CNBD1: variants seen among roughly 807,000 people sequenced by gnomAD.
The protein encoded by CNBD1 is cyclic nucleotide binding domain containing 1, also known as cyclic nucleotide-binding domain-containing protein 1.
A neutral mutation model predicts 54.4 loss-of-function variants in CNBD1; 71 were observed. The ratio of observed to expected loss-of-function variants is 1.30; its 90% CI spans 1.08 to 1.59. CNBD1 has a LOEUF of 1.59. CNBD1 is among the 40% of genes most tolerant of loss of function. The pLI is 0.00. For missense variants in CNBD1, 659 were observed against 518.0 expected (o/e 1.27, Z -2.64); for synonymous variants, 182 against 170.7 (o/e 1.07, Z -0.51).
chr8:87,087,463 C>CTTT (rs758497467), intron 4 of CNBD1, among the ~76,000 whole-genome samples: 1,610 of 127,858 alleles, frequency 0.013, 52 homozygotes, highest in African/African-American at 0.045. Flanking sequence ...GAAGTACATT[C>CTTT]TTTTTTTTTT....
intron 2 of CNBD1, among the ~76,000 whole-genome samples, chr8:86,898,429 A>G (rs142573599): frequency 7.8e-4 from 119 of 152,280 alleles, no homozygotes; most frequent in African/African-American, 2.8e-3. Context: ...AAGACTTACT[A>G]TAAAGCTACA....
At chr8:86,989,693 C>T (rs903757013) in intron 4 of CNBD1, among the ~76,000 whole-genome samples, 2 of 152,138 alleles carry the variant, frequency 1.3e-5, no homozygotes, top group African/African-American at 2.4e-5. Flanking sequence ...TCAGGCAATC[C>T]ACCCACCTCG....
chr8:87,186,767 T>C (rs890801045), intron 4 of CNBD1, among the ~76,000 whole-genome samples: 1 of 152,058 alleles, frequency 6.6e-6, no homozygotes, highest in African/African-American at 2.4e-5. Context: ...ATAGTGTAAG[T>C]AATTTTTTAA....
intron 4 of CNBD1, among the ~76,000 whole-genome samples, chr8:87,025,790 T>A (rs977087429): frequency 1.3e-5 from 2 of 152,108 alleles, no homozygotes; most frequent in Non-Finnish European, 2.9e-5. Flanking sequence ...AGGAAGAAAC[T>A]CCGGACACAC....
chr8:87,352,255 C>T lies in CNBD1; in HGVS notation c.1152+461C>T, dbSNP rs886683093. Among the ~76,000 whole-genome samples, 11 of 152,062 alleles carry T rather than the reference C, an allele frequency of 7.2e-5. No homozygotes were observed. In the East Asian group the frequency reaches 1.2e-3, roughly 16 times the overall value. On this transcript the variant is annotated intron_variant, in intron 9 of 10. Coordinates refer to ENST00000518476, the MANE Select transcript of CNBD1 (RefSeq NM_173538.3). ...CAGCACTTTGAGAGGCCGAGGCGGG[C>T]GGATCACGAGATCAGGAGATCGAGA...
downstream of CNBD1, among the ~76,000 whole-genome samples, chr8:87,383,797 G>A (rs1271625787): frequency 6.6e-6 from 1 of 152,026 alleles, no homozygotes; most frequent in Non-Finnish European, 1.5e-5. Flanking sequence ...CACAACCTAA[G>A]GTTAGAAAAG....
chr8:87,205,356 A>C (rs1489840924), intron 4 of CNBD1, among the ~76,000 whole-genome samples: 4 of 152,142 alleles, frequency 2.6e-5, no homozygotes, highest in African/African-American at 4.8e-5. Context: ...TTGAAATGGT[A>C]TTTATGACAG....
At position 87,351,552 on chromosome 8, in the gene CNBD1, T is replaced by C. The variant is rs1286675815; in HGVS notation, c.1043-133T>C. The C allele has an allele frequency of 6.2e-6, 5 of 801,284 alleles. No homozygotes were observed. The South Asian group carries it at 8.9e-5, about 14-fold the overall frequency. 49.6% of individuals were successfully genotyped at this position (801,284 alleles called of 1,614,324 possible). The stretch of plus-strand genomic sequence containing the variant: ...TACATCTTGTATTAAGTACTGTCTA[T>C]AAACTGGAATCTATTAAGAAACTTA... On this transcript the variant is annotated intron_variant, in intron 8 of 10. Coordinates refer to ENST00000518476, the MANE Select transcript of CNBD1 (RefSeq NM_173538.3).
At chr8:87,426,532 A>T (rs897893723) in intron 2 of CNBD1, among the ~76,000 whole-genome samples, 6 of 152,204 alleles carry the variant, frequency 3.9e-5, no homozygotes, top group African/African-American at 1.2e-4. Context: ...TAAAAACAAT[A>T]ACAGAAACTT....
chr8:87,409,537 C>A (rs1387273747), intron 2 of CNBD1, among the ~76,000 whole-genome samples: 4 of 152,092 alleles, frequency 2.6e-5, no homozygotes, highest in Admixed American at 2.6e-4. Flanking sequence ...AAACAATAGA[C>A]AAAACAGCCC....
intron 4 of CNBD1, among the ~76,000 whole-genome samples, chr8:87,020,380 A>T (rs1301332536): frequency 6.6e-6 from 1 of 152,146 alleles, no homozygotes; most frequent in Non-Finnish European, 1.5e-5. Flanking sequence ...TCCTAGTGCC[A>T]TGAAACCTCA....
intron 6 of CNBD1, among the ~76,000 whole-genome samples, chr8:87,240,390 A>G (rs1474230921): frequency 6.6e-6 from 1 of 152,172 alleles, no homozygotes; most frequent in Non-Finnish European, 1.5e-5. Context: ...TAAATTATAA[A>G]ATAGTAATTT....
chr8:86,938,034 T>A lies in CNBD1; in HGVS notation c.273-1562T>A, dbSNP rs375286963. On this transcript the variant is annotated intron_variant, in intron 3 of 10. Coordinates refer to ENST00000518476, the MANE Select transcript of CNBD1 (RefSeq NM_173538.3). Reference sequence around the variant, plus strand: ...CTGAATGCATTTAATAGCACCCAAATCAGCTCTTGAACACTTTGCAGCATA... The same window carrying A: ...CTGAATGCATTTAATAGCACCCAAAACAGCTCTTGAACACTTTGCAGCATA... Among the ~76,000 whole-genome samples, 200 of 152,314 alleles carry A rather than the reference T, an allele frequency of 1.3e-3. 2 individuals are homozygous for A. In the South Asian group the frequency reaches 0.02, roughly 15 times the overall value.
chr8:87,119,565 CT>C (rs1475472275), intron 4 of CNBD1, among the ~76,000 whole-genome samples: 4 of 152,016 alleles, frequency 2.6e-5, no homozygotes, highest in African/African-American at 9.7e-5. Flanking sequence ...AATTGCATGC[CT>C]TTTATTTTTT....
chr8:87,050,721 A>G (rs1161933372), intron 4 of CNBD1, among the ~76,000 whole-genome samples: 3 of 152,204 alleles, frequency 2.0e-5, no homozygotes, highest in African/African-American at 7.2e-5. Context: ...TAATCACCCA[A>G]TTAATTCGAA....
intron 4 of CNBD1, among the ~76,000 whole-genome samples, chr8:87,187,635 A>G (rs982844): frequency 0.023 from 3,531 of 152,244 alleles, 136 homozygotes; most frequent in African/African-American, 0.079. Context: ...TGTAATAGCA[A>G]TGACACCAGT....
At chr8:87,361,530 T>C (rs1810524055) in intron 10 of CNBD1, among the ~76,000 whole-genome samples, 1 of 151,820 alleles carries the variant, frequency 6.6e-6, no homozygotes, top group African/African-American at 2.4e-5. Flanking sequence ...CTTACAAATA[T>C]TGATATCTAA....
chr8:87,291,494 T>C (rs1185706141), intron 8 of CNBD1, among the ~76,000 whole-genome samples: 1 of 152,142 alleles, frequency 6.6e-6, no homozygotes, highest in Non-Finnish European at 1.5e-5. Flanking sequence ...CTCTGTTACA[T>C]ATCCGCCTCC....
At chr8:87,024,636 C>T (rs1809589813) in intron 4 of CNBD1, among the ~76,000 whole-genome samples, 1 of 152,106 alleles carries the variant, frequency 6.6e-6, no homozygotes. Flanking sequence ...GCCACCACAC[C>T]CAGCCAGGAA....
Sources: gnomAD v4.1 joint callset for allele counts (sites outside exome capture counted in the v4.1 genomes callset) on GRCh38, gnomAD v4.1.1 for gene constraint, MANE v1.5 for transcripts, NCBI Gene and HGNC (gene_info 2026-07-23, HGNC 2026-07-21) for gene names.